Variants in WWOX observed in about 807,000 individuals in gnomAD.
The protein encoded by WWOX is WW domain-containing oxidoreductase.
WWOX carries 69 observed loss-of-function variants against 46.2 expected under a neutral mutation model. The ratio of observed to expected loss-of-function variants is 1.49; its 90% confidence interval spans 1.23 to 1.82. The LOEUF is 1.82. Among genes scored for constraint, WWOX ranks in the 40% most tolerant of loss-of-function variants. The pLI, the probability that WWOX is intolerant of heterozygous loss-of-function variation, is 0.00. For synonymous variants in WWOX, 359 were observed against 202.6 expected (o/e 1.77, Z -6.56); for missense variants, 919 against 542.6 (o/e 1.69, Z -6.89).
At chr16:78,917,721 T>C (rs1039888976) in intron 8 of WWOX, among the ~76,000 whole-genome samples, 4 of 152,094 alleles carry the variant, frequency 2.6e-5, no homozygotes, top group African/African-American at 9.7e-5. Flanking sequence ...TCTCCTGTTT[T>C]TGGTAGTGCC....
chr16:78,328,376 G>C (rs144166392), intron 5 of WWOX, among the ~76,000 whole-genome samples: 2 of 152,078 alleles, frequency 1.3e-5, no homozygotes, highest in Non-Finnish European at 2.9e-5. Context: ...GATGTAAGTC[G>C]TAAAAAATTT....
chr16:78,952,731 C>T (rs764769886), intron 8 of WWOX, among the ~76,000 whole-genome samples: 3 of 152,234 alleles, frequency 2.0e-5, no homozygotes, highest in Admixed American at 6.5e-5. Flanking sequence ...CCTGACAGTA[C>T]GCTCCGTAGG....
chr16:78,853,301 A>C (rs1419667840), intron 8 of WWOX, among the ~76,000 whole-genome samples: 1 of 152,022 alleles, frequency 6.6e-6, no homozygotes, highest in Non-Finnish European at 1.5e-5. Flanking sequence ...GCTCACTGCA[A>C]CCTCTGTCTC....
chr16:79,017,462 A>AAAAAAAAAAAAAT (rs2047440452), intron 8 of WWOX: 1 of 124,480 alleles, frequency 8.0e-6, no homozygotes, highest in African/African-American at 2.8e-5. Context: ...AAAAAAAAAA[A>AAAAAAAAAAAAAT]GAAAGAAAGA....
chr16:78,772,611 G>C (rs558209718), intron 8 of WWOX, among the ~76,000 whole-genome samples: 3 of 152,300 alleles, frequency 2.0e-5, no homozygotes, highest in South Asian at 2.1e-4. Context: ...AAATAAAAAA[G>C]TGGTGATTGT....
At chr16:79,048,890 G>A (rs564817305) in intron 8 of WWOX, among the ~76,000 whole-genome samples, 1 of 152,244 alleles carries the variant, frequency 6.6e-6, no homozygotes, top group Admixed American at 6.5e-5. Context: ...CATCCCCAGA[G>A]TGACCTCCAG....
At chr16:79,171,029 A>C (rs770623224) in intron 8 of WWOX, among the ~76,000 whole-genome samples, 7 of 152,252 alleles carry the variant, frequency 4.6e-5, no homozygotes, top group Non-Finnish European at 1.0e-4. Flanking sequence ...CCAAAGGATT[A>C]GTCAGCCTAG....
At chr16:78,627,586 G>A (rs1399970043) in intron 8 of WWOX, among the ~76,000 whole-genome samples, 1 of 152,068 alleles carries the variant, frequency 6.6e-6, no homozygotes, top group Admixed American at 6.6e-5. Flanking sequence ...AAAAGGAGAA[G>A]AAAAAGAATA....
At chr16:78,383,376 C>G (rs1033582754) in intron 5 of WWOX, among the ~76,000 whole-genome samples, 1 of 152,014 alleles carries the variant, frequency 6.6e-6, no homozygotes, top group Non-Finnish European at 1.5e-5. Context: ...TTTTGTGAAT[C>G]TATAATTAGT....
At chr16:79,109,562 G>C (rs2049377143) in intron 8 of WWOX, among the ~76,000 whole-genome samples, 1 of 152,150 alleles carries the variant, frequency 6.6e-6, no homozygotes, top group Non-Finnish European at 1.5e-5. Context: ...CTATTCAAAA[G>C]TGGAGAGCAA....
chr16:78,288,048 C>G (rs765965816), intron 5 of WWOX, among the ~76,000 whole-genome samples: 17 of 151,994 alleles, frequency 1.1e-4, no homozygotes, highest in Admixed American at 1.1e-3. Flanking sequence ...TTTAATTTAG[C>G]CATTTCTAAT....
At chr16:78,644,139 T>C (rs2046786720) in intron 8 of WWOX, among the ~76,000 whole-genome samples, 1 of 152,106 alleles carries the variant, frequency 6.6e-6, no homozygotes, top group African/African-American at 2.4e-5. Flanking sequence ...GGAGAATCAT[T>C]TGAACCTGGG....
intron 8 of WWOX, among the ~76,000 whole-genome samples, chr16:78,569,016 C>T (rs1474787080): frequency 6.6e-6 from 1 of 152,186 alleles, no homozygotes; most frequent in African/African-American, 2.4e-5. Context: ...TTAGGCACCA[C>T]ACACGATGAG....
intron 5 of WWOX, among the ~76,000 whole-genome samples, chr16:78,256,924 A>G (rs1262961155): frequency 1.3e-5 from 2 of 152,018 alleles, no homozygotes; most frequent in African/African-American, 4.8e-5. Flanking sequence ...GGAATCCCTA[A>G]TCTCCTGCAC....
At chr16:78,422,331 G>C (rs73572811) in intron 6 of WWOX, among the ~76,000 whole-genome samples, 13,193 of 151,712 alleles carry the variant, frequency 0.087, 1,660 homozygotes, top group African/African-American at 0.28. Flanking sequence ...AAACTTGTAC[G>C]TCTTAGGCTG....
intron 8 of WWOX, among the ~76,000 whole-genome samples, chr16:78,982,715 G>C (rs984756517): frequency 1.3e-5 from 2 of 152,150 alleles, no homozygotes; most frequent in Non-Finnish European, 2.9e-5. Context: ...TATTTAGTGA[G>C]GAGAAAATGT....
intron 1 of WWOX, among the ~76,000 whole-genome samples, chr16:78,100,379 A>T (rs1478125478): frequency 6.6e-6 from 1 of 152,056 alleles, no homozygotes; most frequent in African/African-American, 2.4e-5. Context: ...CAGCCTCTTG[A>T]GTGGCTGGGA....
intron 8 of WWOX, among the ~76,000 whole-genome samples, chr16:78,445,100 G>A (rs1480185826): frequency 1.3e-5 from 2 of 152,136 alleles, no homozygotes; most frequent in Admixed American, 6.5e-5. Context: ...AGACCTTTCT[G>A]GACGTACCAC....
At chr16:78,894,020 T>TTTA (rs6145911) in intron 8 of WWOX, among the ~76,000 whole-genome samples, 4,439 of 140,038 alleles carry the variant, frequency 0.032, 260 homozygotes, top group African/African-American at 0.1. Context: ...TATTGAGGCT[T>TTTA]TTATTATTAT....
Sources: gnomAD v4.1 joint callset for allele counts (sites outside exome capture counted in the v4.1 genomes callset) on GRCh38, gnomAD v4.1.1 for gene constraint, MANE v1.5 for transcripts, NCBI Gene and HGNC (gene_info 2026-07-23, HGNC 2026-07-21) for gene names.